Variants in TRAPPC12 observed in about 807,000 individuals in gnomAD.
The protein encoded by TRAPPC12 is trafficking protein particle complex subunit 12.
In TRAPPC12, 61 loss-of-function variants were observed where a neutral mutation model predicts 69.2. That is an observed-to-expected ratio of 0.88 (90% confidence interval 0.72 to 1.09). The LOEUF (loss-of-function observed/expected upper bound fraction) is 1.09. Ranked by LOEUF, TRAPPC12 falls within the 50% of genes least tolerant of loss-of-function variation. TRAPPC12 has a pLI of 0.00. For missense variants in TRAPPC12, 1,101 were observed against 1,016.4 expected (o/e 1.08, Z -1.13); for synonymous variants, 469 against 438.9 (o/e 1.07, Z -0.86).
chr2:3,399,929 G>T (rs561488640), intron 2 of TRAPPC12, among the ~76,000 whole-genome samples: 2 of 152,056 alleles, frequency 1.3e-5, no homozygotes, highest in East Asian at 1.9e-4. Context: ...CAGTCACTGC[G>T]TGCTCCCAGT....
At chr2:3,458,183 C>T in intron 7 of TRAPPC12, 5 of 1,000,944 alleles carry the variant, frequency 5.0e-6, no homozygotes, top group Non-Finnish European at 4.8e-6. Context: ...TTGGAAACCC[C>T]TTGGGGGACT....
At chr2:3,435,557 G>A (rs1037335435) in intron 5 of TRAPPC12, among the ~76,000 whole-genome samples, 4 of 152,142 alleles carry the variant, frequency 2.6e-5, no homozygotes, top group African/African-American at 9.7e-5. Context: ...CCATAGCACG[G>A]GGGAGATTTG....
chr2:3,389,491 G>A (rs993741778), intron 2 of TRAPPC12, among the ~76,000 whole-genome samples: 16 of 152,260 alleles, frequency 1.1e-4, no homozygotes, highest in African/African-American at 3.9e-4. Flanking sequence ...CAGGCGAGGG[G>A]AACACCGTGG....
rs200587775 is a variant in TRAPPC12 at position 3,441,000 on chromosome 2, TTC to T, written c.1418-2777_1418-2776del. On this transcript the variant is annotated intron_variant, in intron 5 of 11. Transcript: ENST00000324266. Reference sequence around the variant, plus strand: ...ATCACCCCTGCATACCTGGAATAAATTCTGTCTGGTCATGGTTCATAATTCTT... The same window carrying T: ...ATCACCCCTGCATACCTGGAATAAATTGTCTGGTCATGGTTCATAATTCTT... Among the ~76,000 whole-genome samples, 162 of 152,362 alleles carry T rather than the reference TTC, an allele frequency of 1.1e-3. 1 individual carries two copies. In the East Asian group the frequency reaches 0.028, roughly 26 times the overall value.
intron 8 of TRAPPC12, among the ~76,000 whole-genome samples, chr2:3,463,809 A>T (rs899359348): frequency 6.6e-6 from 1 of 152,066 alleles, no homozygotes; most frequent in African/African-American, 2.4e-5. Flanking sequence ...CCTTTTGTTT[A>T]CTTGAAACCA....
intron 1 of TRAPPC12, among the ~76,000 whole-genome samples, chr2:3,385,709 A>G (rs1455043598): frequency 6.6e-6 from 1 of 152,222 alleles, no homozygotes; most frequent in African/African-American, 2.4e-5. Flanking sequence ...GACGGAGGGA[A>G]GATCCCTTTC....
chr2:3,472,894 C>G (rs1431982094), intron 9 of TRAPPC12, among the ~76,000 whole-genome samples: 1 of 152,134 alleles, frequency 6.6e-6, no homozygotes, highest in African/African-American at 2.4e-5. Context: ...TGGAAAATCA[C>G]CCAGAGGAAG....
chr2:3,387,977 T>G lies in TRAPPC12; in HGVS notation c.354T>G (p.Cys118Trp). 2 of 1,474,818 alleles carry G rather than the reference T, an allele frequency of 1.4e-6. No individual in the cohort carries two copies. The highest frequency in any genetic ancestry group is 1.8e-6 in the Non-Finnish European group (2 of 1,119,100). The allele number at this position is 1,474,818 out of a possible 1,614,324, so 91.4% of individuals were successfully genotyped here. The stretch of plus-strand genomic sequence containing the variant: ...CCAGCGGCGAGGCCGACGGCGACTG[T>G]GCCCCCGAGGACGCGGCACCCAGTA... ...PSPSGEADGD[C>W]APEDAAPSSG... Residue 118 changes from cysteine to tryptophan, a missense_variant, in exon 2 of 12, where the codon TGT (cysteine) becomes TGG (tryptophan). Cys to Trp is a radical substitution (Grantham distance 215). Coordinates refer to ENST00000324266, the MANE Select transcript of TRAPPC12 (RefSeq NM_016030.6).
chr2:3,473,336 T>C (rs1472045535), intron 9 of TRAPPC12, among the ~76,000 whole-genome samples: 1 of 152,224 alleles, frequency 6.6e-6, no homozygotes, highest in Non-Finnish European at 1.5e-5. Flanking sequence ...CTTTTATTCG[T>C]TTATGTACAT....
intron 6 of TRAPPC12, chr2:3,455,265 A>G (rs1246685325): frequency 6.6e-6 from 1 of 152,170 alleles, no homozygotes; most frequent in East Asian, 1.9e-4. Flanking sequence ...GTAGGTGTTT[A>G]TGGGTTATAG....
intron 1 of TRAPPC12, among the ~76,000 whole-genome samples, chr2:3,383,076 A>G (rs1660300551): frequency 6.6e-6 from 1 of 152,208 alleles, no homozygotes; most frequent in African/African-American, 2.4e-5. Context: ...TGGTTTCTCA[A>G]CATGGATGTT....
intron 3 of TRAPPC12, among the ~76,000 whole-genome samples, chr2:3,412,865 G>C (rs1263865130): frequency 6.6e-6 from 1 of 152,186 alleles, no homozygotes; most frequent in African/African-American, 2.4e-5. Context: ...CTTTCACACA[G>C]AGCTAGGCAC....
chr2:3,390,136 T>G (rs975006649), intron 2 of TRAPPC12, among the ~76,000 whole-genome samples: 77 of 152,334 alleles, frequency 5.1e-4, no homozygotes, highest in African/African-American at 1.8e-3. Context: ...GGCTTTAAAC[T>G]GTCTTCAGTT....
intron 9 of TRAPPC12, among the ~76,000 whole-genome samples, chr2:3,466,087 A>G (rs1430150668): frequency 6.6e-6 from 1 of 152,360 alleles, no homozygotes; most frequent in African/African-American, 2.4e-5. Context: ...CTGGACAGAC[A>G]AAGTCCAGAC....
At position 3,414,100 on chromosome 2, in the gene TRAPPC12, C is replaced by T. The variant is rs567503400; in HGVS notation, c.1165-7781C>T. 6.6e-6 allele frequency among the ~76,000 whole-genome samples: 1 copy of T among 152,180 alleles called. No homozygotes were observed. The highest frequency in any genetic ancestry group is 2.4e-5 in the African/African-American group (1 of 41,494). Reference sequence around the variant, plus strand: ...CCCCAAAGAATTAGAAAACTAGGTACCCCTCACACATTTTTAAGCTATCTA... The same window carrying T: ...CCCCAAAGAATTAGAAAACTAGGTATCCCTCACACATTTTTAAGCTATCTA... On this transcript the variant is annotated intron_variant, in intron 3 of 11. Transcript: ENST00000324266. This position sits in a 1 kb window ranked among gnomAD's most constrained non-coding sequence, Gnocchi z 4.9.
intron 2 of TRAPPC12, among the ~76,000 whole-genome samples, chr2:3,398,574 TCTTTGGGC>T (rs1661252033): frequency 6.6e-6 from 1 of 152,232 alleles, no homozygotes; most frequent in African/African-American, 2.4e-5. Context: ...AGCATTTGTG[TCTTTGGGC>T]TTCCCAGACA....
intron 1 of TRAPPC12, among the ~76,000 whole-genome samples, chr2:3,387,285 C>A (rs1660536801): frequency 6.6e-6 from 1 of 152,098 alleles, no homozygotes; most frequent in African/African-American, 2.4e-5. Context: ...CACAGGAAGA[C>A]AGTTATCGGG....
intron 4 of TRAPPC12, among the ~76,000 whole-genome samples, chr2:3,422,874 A>G (rs190833637): frequency 1.3e-5 from 2 of 152,362 alleles, no homozygotes; most frequent in Admixed American, 1.3e-4. Flanking sequence ...AACTTAGTTC[A>G]AGTTTCTTTA....
chr2:3,396,515 G>A (rs1192976142), intron 2 of TRAPPC12, among the ~76,000 whole-genome samples: 1 of 152,038 alleles, frequency 6.6e-6, no homozygotes, highest in Non-Finnish European at 1.5e-5. Context: ...GAAATTTGGG[G>A]TCATTATTTC....
Sources: allele counts gnomAD v4.1 joint callset (sites outside exome capture counted in the v4.1 genomes callset), GRCh38; gene constraint gnomAD v4.1.1; non-coding constraint Gnocchi (gnomAD v3.1); transcripts MANE v1.5; gene names NCBI Gene and HGNC (gene_info 2026-07-23, HGNC 2026-07-21).